The following AFAP1L1 variants were observed in gnomAD, a reference collection of about 807,000 sequenced individuals.
AFAP1L1 encodes the protein actin filament-associated protein 1-like 1.
In AFAP1L1, 77 loss-of-function variants were observed where a neutral mutation model predicts 99.8. The ratio of observed to expected loss-of-function variants is 0.77; its 90% CI spans 0.64 to 0.93. AFAP1L1 has a LOEUF of 0.93. Ranked by LOEUF, AFAP1L1 falls within the 40% of genes least tolerant of loss-of-function variation. AFAP1L1 has a pLI of 0.00. For synonymous variants in AFAP1L1, 373 were observed against 395.3 expected, an observed-to-expected ratio of 0.94 and a Z score of 0.67; for missense variants, 893 against 996.8, an observed-to-expected ratio of 0.90 and a Z score of 1.40.
At chr5:149,305,173 C>T (rs1165034389) in intron 5 of AFAP1L1, among the ~76,000 whole-genome samples, 4 of 152,210 alleles carry the variant, frequency 2.6e-5, no homozygotes, top group Admixed American at 6.5e-5. Context: ...TAAGAATTGA[C>T]GTGCATTGTA....
chr5:149,313,666 G>GC (rs1242250864), intron 9 of AFAP1L1, among the ~76,000 whole-genome samples: 1 of 152,206 alleles, frequency 6.6e-6, no homozygotes, highest in Non-Finnish European at 1.5e-5. Context: ...TGCAAGCCCT[G>GC]CCCTCACAGC....
intron 1 of AFAP1L1, among the ~76,000 whole-genome samples, chr5:149,287,750 G>T (rs1300119785): frequency 8.2e-5 from 12 of 145,626 alleles, no homozygotes; most frequent in African/African-American, 3.1e-4. Context: ...TGTTTTTTTG[G>T]TGTTTTTTTT....
intron 8 of AFAP1L1, among the ~76,000 whole-genome samples, chr5:149,311,801 A>G (rs1756637858): frequency 6.6e-6 from 1 of 152,202 alleles, no homozygotes; most frequent in Non-Finnish European, 1.5e-5. Context: ...GAGGACTAGT[A>G]TATTCCCATG....
At chr5:149,324,831 C>G (rs1482200551) in intron 15 of AFAP1L1, among the ~76,000 whole-genome samples, 2 of 152,184 alleles carry the variant, frequency 1.3e-5, no homozygotes, top group East Asian at 3.9e-4. Flanking sequence ...AGTTGCTTAT[C>G]CTTGTGATGT....
intron 4 of AFAP1L1, 76 bp from the exon 5 acceptor site, chr5:149,302,342 C>T (rs1012014510): frequency 1.3e-5 from 14 of 1,083,404 alleles, no homozygotes; most frequent in African/African-American, 1.6e-5. Context: ...TCTGCGAGCT[C>T]CTGCCTCCCT....
intron 1 of AFAP1L1, among the ~76,000 whole-genome samples, chr5:149,297,166 C>T (rs2127593235): frequency 6.6e-6 from 1 of 152,310 alleles, no homozygotes. Context: ...TTGAAAACAG[C>T]TAAAGTTTGG....
chr5:149,337,755 AATATATACATAT>A (rs1286131536), intron 18 of AFAP1L1, among the ~76,000 whole-genome samples: 8 of 152,152 alleles, frequency 5.3e-5, no homozygotes, highest in South Asian at 2.1e-4. Flanking sequence ...TACAACTACA[AATATATACATAT>A]ATATATACAT....
At chr5:149,295,887 C>CA in intron 1 of AFAP1L1, among the ~76,000 whole-genome samples, 6 of 152,276 alleles carry the variant, frequency 3.9e-5, no homozygotes, top group Admixed American at 3.9e-4. Flanking sequence ...TGGAGTTTTC[C>CA]AGGCACAACC....
At chr5:149,296,900 G>A (rs1756036359) in intron 1 of AFAP1L1, among the ~76,000 whole-genome samples, 1 of 152,104 alleles carries the variant, frequency 6.6e-6, no homozygotes, top group African/African-American at 2.4e-5. Flanking sequence ...TTCACATGGT[G>A]GCAACAAGGA....
rs190469835 is a variant in AFAP1L1, at chr5:149,316,264, C to T, written c.1228C>T (p.Leu410=). 1 of 1,614,104 alleles carries T rather than the reference C, an allele frequency of 6.2e-7. No homozygotes were observed. The highest frequency in any genetic ancestry group is 1.1e-5 in the South Asian group (1 of 91,068). The change falls in exon 11 of 19, where the codon CTG becomes TTG. Residue 410 remains leucine (L), a synonymous_variant. Transcript: ENST00000296721. The part of the protein sequence containing the change: ...FSKKKTLADD[L]QTSSTEEEVP... ...CAAGAAGAAGACACTGGCCGATGAC[C>T]TGCAGACGTCCTCCACCGAGGAGGA...
chr5:149,300,163 CT>C lies in AFAP1L1; in HGVS notation c.146-105del, dbSNP rs1266010803. The C allele has an allele frequency of 4.3e-6, 3 of 703,000 alleles. No homozygotes were observed. The African/African-American group carries it at 5.5e-5, about 13-fold the overall frequency. The allele number at this position is 703,000 out of a possible 1,614,324, so 43.5% of individuals were successfully genotyped here. A position where few individuals can be genotyped will look rare whatever the true frequency, so the allele number is the denominator to read the frequency against. On this transcript the variant is annotated intron_variant, in intron 2 of 18. Coordinates refer to ENST00000296721, the MANE Select transcript of AFAP1L1 (RefSeq NM_152406.4). The stretch of plus-strand genomic sequence containing the variant: ...TGAAATAATTTAGGACTTGAATGCG[CT>C]TTGCAAAGTGAGCACTGTGTCCCAT...
At chr5:149,291,679 G>A (rs1367867778) in intron 1 of AFAP1L1, among the ~76,000 whole-genome samples, 1 of 151,982 alleles carries the variant, frequency 6.6e-6, no homozygotes, top group African/African-American at 2.4e-5. Flanking sequence ...AGGGCGACTT[G>A]CCTCCCCACT....
intron 8 of AFAP1L1, 64 bp downstream of exon 8, chr5:149,310,199 C>A: frequency 6.7e-7 from 1 of 1,482,734 alleles, no homozygotes; most frequent in East Asian, 2.4e-5. Flanking sequence ...AGCCAGCCCT[C>A]AGTAGAGCTG....
intron 1 of AFAP1L1, among the ~76,000 whole-genome samples, chr5:149,273,515 TACTGCATTC>T (rs1226450359): frequency 1.3e-5 from 2 of 152,026 alleles, no homozygotes; most frequent in African/African-American, 4.8e-5. Context: ...CAACAGAGAA[TACTGCATTC>T]ACCTTCTCCT....
chr5:149,340,278 C>A lies in AFAP1L1; in HGVS notation c.*248C>A. 2.1e-6 allele frequency: 1 copy of A among 484,392 alleles called. No individual in the cohort carries two copies. 30.0% of individuals were successfully genotyped at this position (484,392 alleles called of 1,614,324 possible). ...GGGTGGAAATGAGGATGGAGGGATA[C>A]AGAAGTCTGCACAGCTGTAAAGGTT... On this transcript the variant is annotated 3_prime_UTR_variant, in exon 19 of 19. Transcript: ENST00000296721.
At position 149,301,233 on chromosome 5, in the gene AFAP1L1, G is replaced by C. The variant is rs774578641; in HGVS notation, c.327+3G>C. Reference sequence around the variant, plus strand: ...CCAAGAGCCCACGCCTGAGAAACGTGAGTCATGGCCTGGGTTCCCACACCT... The same window carrying C: ...CCAAGAGCCCACGCCTGAGAAACGTCAGTCATGGCCTGGGTTCCCACACCT... On this transcript the variant is annotated splice_donor_region_variant and intron_variant, in intron 4 of 18. Coordinates refer to ENST00000296721, the MANE Select transcript of AFAP1L1 (RefSeq NM_152406.4). The C allele has an allele frequency of 6.2e-7, 1 of 1,613,630 alleles. No homozygotes were observed. The highest frequency in any genetic ancestry group is 1.1e-5 in the South Asian group (1 of 91,058).
intron 1 of AFAP1L1, among the ~76,000 whole-genome samples, chr5:149,282,757 T>G (rs1221935056): frequency 6.6e-6 from 1 of 152,156 alleles, no homozygotes; most frequent in African/African-American, 2.4e-5. Context: ...TGTAGAGAGA[T>G]TGGGAGTGTC....
chr5:149,299,605 C>T lies in AFAP1L1; in HGVS notation c.113C>T (p.Ala38Val), dbSNP rs376393664. 5 of 1,614,180 alleles carry T rather than the reference C, an allele frequency of 3.1e-6. No individual in the cohort carries two copies. Among genetic ancestry groups the T allele is most frequent in the Non-Finnish European group, 4.2e-6 (5 of 1,180,012 alleles). ...ACCCTGGAAAAGAAGATGGCCGTGGCCTCCATCCTGCAGAGCCTGCAGCCC... is the reference window on the plus strand; with the variant it reads ...ACCCTGGAAAAGAAGATGGCCGTGGTCTCCATCCTGCAGAGCCTGCAGCCC... Reference protein sequence around the residue: ...DTTLEKKMAVASILQSLQPLP... With the variant: ...DTTLEKKMAVVSILQSLQPLP... The change falls in exon 2 of 19, where the codon GCC becomes GTC. Residue 38 changes from alanine to valine, a missense_variant. Coordinates refer to ENST00000296721, the MANE Select transcript of AFAP1L1 (RefSeq NM_152406.4).
intron 1 of AFAP1L1, among the ~76,000 whole-genome samples, chr5:149,287,625 C>T (rs141310217): frequency 0.063 from 9,649 of 152,050 alleles, 607 homozygotes; most frequent in African/African-American, 0.16. Context: ...ACACTGTCGC[C>T]CAGGCTGGAG....
Sources: allele counts gnomAD v4.1 joint callset (sites outside exome capture counted in the v4.1 genomes callset), GRCh38; gene constraint gnomAD v4.1.1; transcripts MANE v1.5; gene names NCBI Gene and HGNC (gene_info 2026-07-23, HGNC 2026-07-21).